Variants in ZKSCAN4 observed in about 807,000 individuals in gnomAD.
ZKSCAN4 encodes the protein zinc finger with KRAB and SCAN domains 4, also known as zinc finger protein with KRAB and SCAN domains 4.
In ZKSCAN4, 23 loss-of-function variants were observed where a neutral mutation model predicts 30.8. The observed-to-expected ratio is 0.75, with a 90% CI of 0.54 to 1.06. ZKSCAN4 has a LOEUF of 1.06. Among genes scored for constraint, ZKSCAN4 ranks in the 50% least tolerant of loss-of-function variants. The probability of loss-of-function intolerance (pLI) is 0.00; values close to 1 mark genes in which losing one functional copy is unlikely to be tolerated. For missense variants in ZKSCAN4, 556 were observed against 665.4 expected, an observed-to-expected ratio of 0.84 and a Z score of 1.81; for synonymous variants, 208 against 252.5, an observed-to-expected ratio of 0.82 and a Z score of 1.67.
At chr6:28,256,208 G>A (rs1193890598), upstream of ZKSCAN4, among the ~76,000 whole-genome samples, 1 of 152,126 alleles carries the variant, frequency 6.6e-6, no homozygotes, top group Non-Finnish European at 1.5e-5. Context: ...GGTCACTTGA[G>A]CCCAGGAGTT....
At chr6:28,248,839 A>AG (rs1416920913) in intron 2 of ZKSCAN4, among the ~76,000 whole-genome samples, 1 of 127,754 alleles carries the variant, frequency 7.8e-6, no homozygotes, top group Admixed American at 8.3e-5. Context: ...AAAAAAAAAA[A>AG]AAAAAGAAAA....
chr6:28,254,659 T>C (rs2113695387), upstream of ZKSCAN4, among the ~76,000 whole-genome samples: 1 of 152,384 alleles, frequency 6.6e-6, no homozygotes, highest in Admixed American at 6.5e-5. Context: ...GCATAGGCCC[T>C]GCCTAGCACT....
rs1307790197 is a variant in ZKSCAN4 at position 28,251,759 on chromosome 6, G to C, written c.222C>G (p.Leu74=). The C allele has an allele frequency of 6.2e-7, 1 of 1,614,250 alleles. No individual in the cohort carries two copies. Among genetic ancestry groups the C allele is most frequent in the Non-Finnish European group, 8.5e-7 (1 of 1,180,044 alleles). ...AAGPREALSR[L]RELCGQWLQP... ...GCAGCCATTGTCCGCAGAGTTCTCG[G>C]AGCCGGCTCAACGCCTCGCGGGGGC... The change falls in exon 1 of 5, where the codon CTC becomes CTG. Residue 74 remains leucine (L), a synonymous_variant. Coordinates refer to ENST00000377294, the MANE Select transcript of ZKSCAN4 (RefSeq NM_019110.5). The surrounding 1 kb of genome is among the most constrained non-coding windows in gnomAD (Gnocchi z 4.5).
At position 28,245,220 on chromosome 6, in the gene ZKSCAN4, C is replaced by T; in HGVS notation, c.1534G>A (p.Glu512Lys). The T allele has an allele frequency of 6.2e-7, 1 of 1,614,186 alleles. No individual in the cohort carries two copies. Reference sequence around the variant, plus strand: ...CATGTGTCACACTGATAGGGTTTCTCACCAGTGTGGATTTTCTGATGTTCA... The same window carrying T: ...CATGTGTCACACTGATAGGGTTTCTTACCAGTGTGGATTTTCTGATGTTCA... ...LIEHQKIHTG[E>K]KPYQCDTCGK... is the part of the protein sequence containing the mutation. Residue 512 changes from glutamate (E) to lysine (K), a missense_variant, in exon 5 of 5, where the codon GAG becomes AAG. Glu to Lys is a moderately conservative substitution (Grantham distance 56, BLOSUM62 1). Transcript: ENST00000377294.
At chr6:28,256,620 T>C (rs544262747), upstream of ZKSCAN4, among the ~76,000 whole-genome samples, 1 of 152,382 alleles carries the variant, frequency 6.6e-6, no homozygotes, top group African/African-American at 2.4e-5. Context: ...TTTCTTAAAG[T>C]TCTTCAAATA....
intron 4 of ZKSCAN4, 106 bp downstream of exon 4, chr6:28,246,863 C>G (rs2113677972): frequency 5.2e-6 from 7 of 1,356,160 alleles, no homozygotes; most frequent in South Asian, 1.6e-5. Context: ...AATGGTGATT[C>G]TGAATCCAAA....
chr6:28,258,311 TA>T, the ZKSCAN4 span, among the ~76,000 whole-genome samples: 1 of 152,186 alleles, frequency 6.6e-6, no homozygotes, highest in Non-Finnish European at 1.5e-5. Flanking sequence ...TGATCTTGCA[TA>T]AAACGTTTAT....
chr6:28,257,641 TA>T, the ZKSCAN4 span, among the ~76,000 whole-genome samples: 3 of 152,180 alleles, frequency 2.0e-5, no homozygotes, highest in African/African-American at 7.2e-5. Context: ...TATTTTGTCT[TA>T]AAAAAAGTAT....
At position 28,244,113 on chromosome 6, in the gene ZKSCAN4, G is replaced by T. The variant is rs1314422616; in HGVS notation, c.*1003C>A. The stretch of plus-strand genomic sequence containing the variant: ...TATTTGTTATGAATCTTCGGACCTG[G>T]AGAAAGTTTAAGCTTAGCTGGCATA... On this transcript the variant is annotated 3_prime_UTR_variant, in exon 5 of 5. Transcript: ENST00000377294. 6.6e-6 allele frequency among the ~76,000 whole-genome samples: 1 copy of T among 152,182 alleles called. No individual in the cohort carries two copies. Among genetic ancestry groups the T allele is most frequent in the African/African-American group, 2.4e-5 (1 of 41,446 alleles).
chr6:28,243,451 T>A lies in ZKSCAN4; in HGVS notation c.*1665A>T, dbSNP rs1473797981. Among the ~76,000 whole-genome samples the A allele has an allele frequency of 6.6e-6, 1 of 152,180 alleles. No homozygotes were observed. The highest frequency in any genetic ancestry group is 2.4e-5 in the African/African-American group (1 of 41,450). Reference sequence around the variant, plus strand: ...ACAGTCTGGCAATGCTGGAAGATGGTAATAGGCACTTGAGCACTTCGGAAG... The same window carrying A: ...ACAGTCTGGCAATGCTGGAAGATGGAAATAGGCACTTGAGCACTTCGGAAG... On this transcript the variant is annotated 3_prime_UTR_variant, in exon 5 of 5. Transcript: ENST00000377294.
intron 3 of ZKSCAN4, among the ~76,000 whole-genome samples, 178 bp downstream of exon 3, chr6:28,247,889 G>A (rs1760804829): frequency 6.6e-6 from 1 of 152,220 alleles, no homozygotes; most frequent in African/African-American, 2.4e-5. Flanking sequence ...AGTCCTCTTA[G>A]GTGGGCACCA....
rs928132986 is a variant in ZKSCAN4 at position 28,244,780 on chromosome 6, C to G, written c.*336G>C. 3.5e-4 allele frequency: 128 copies of G among 367,434 alleles called. No homozygotes were observed. Among genetic ancestry groups the G allele is most frequent in the Non-Finnish European group, 5.6e-4 (108 of 193,484 alleles). The allele number at this position is 367,434 out of a possible 1,614,324, so 22.8% of individuals were successfully genotyped here. A position where few individuals can be genotyped will look rare whatever the true frequency, so the allele number is the denominator to read the frequency against. Reference sequence around the variant, plus strand: ...ATGAATGGTCAGAGCAGCAGCCCCCCACATCAGAGCCATCCAACCAGATGT... The same window carrying G: ...ATGAATGGTCAGAGCAGCAGCCCCCGACATCAGAGCCATCCAACCAGATGT... On this transcript the variant is annotated 3_prime_UTR_variant, in exon 5 of 5. Coordinates refer to ENST00000377294, the MANE Select transcript of ZKSCAN4 (RefSeq NM_019110.5).
intron 2 of ZKSCAN4, among the ~76,000 whole-genome samples, chr6:28,248,861 A>G (rs917385839): frequency 3.3e-5 from 5 of 151,832 alleles, no homozygotes; most frequent in African/African-American, 9.7e-5. Flanking sequence ...AGAAAAAGAA[A>G]AACTAGGAGG....
Position 28,243,659 on chromosome 6 carries a change from C to A in ZKSCAN4, c.*1457G>T, listed in dbSNP as rs1472564254. 6.7e-6 allele frequency among the ~76,000 whole-genome samples: 1 copy of A among 148,892 alleles called. No individual in the cohort carries two copies. Among genetic ancestry groups the A allele is most frequent in the Non-Finnish European group, 1.5e-5 (1 of 67,152 alleles). ...ATGTGCTTCTGAACAGACACATTTT[C>A]TTTTCTTTTTTTTTTTTCTTTTTGA... On this transcript the variant is annotated 3_prime_UTR_variant, in exon 5 of 5. Coordinates refer to ENST00000377294, the MANE Select transcript of ZKSCAN4 (RefSeq NM_019110.5).
In ZKSCAN4 at chr6:28,243,649, GAC is replaced by G. The variant is rs1054496481; in HGVS notation, c.*1465_*1466del. On this transcript the variant is annotated 3_prime_UTR_variant, in exon 5 of 5. Coordinates refer to ENST00000377294, the MANE Select transcript of ZKSCAN4 (RefSeq NM_019110.5). ...AGGATTCCCAATGTGCTTCTGAACA[GAC>G]ACATTTTCTTTTCTTTTTTTTTTTT... 6.6e-6 allele frequency among the ~76,000 whole-genome samples: 1 copy of G among 151,668 alleles called. No individual in the cohort carries two copies. The highest frequency in any genetic ancestry group is 1.5e-5 in the Non-Finnish European group (1 of 67,936).
chr6:28,246,031 T>C, intron 4 of ZKSCAN4, 56 bp from the exon 5 acceptor site: 1 of 1,612,358 alleles, frequency 6.2e-7, no homozygotes. Context: ...GGAGGAAAGC[T>C]CTGTGATGAG....
At chr6:28,259,057 A>C in the ZKSCAN4 span, among the ~76,000 whole-genome samples, 5 of 152,330 alleles carry the variant, frequency 3.3e-5, no homozygotes, top group South Asian at 8.3e-4. Context: ...AGCGAAATCG[A>C]AAAAGAGAAG....
the ZKSCAN4 span, among the ~76,000 whole-genome samples, chr6:28,258,151 T>C: frequency 2.0e-5 from 3 of 152,208 alleles, no homozygotes; most frequent in African/African-American, 7.2e-5. Flanking sequence ...TTCAATTTAA[T>C]TTCCCCCATT....
At position 28,244,043 on chromosome 6, in the gene ZKSCAN4, C is replaced by T. The variant is rs1203613806; in HGVS notation, c.*1073G>A. 6.6e-6 allele frequency among the ~76,000 whole-genome samples: 1 copy of T among 152,066 alleles called. No individual in the cohort carries two copies. Among genetic ancestry groups the T allele is most frequent in the African/African-American group, 2.4e-5 (1 of 41,406 alleles). ...CTGCCTCTAACCTGATCTTCCTGTC[C>T]CCAACTGACAGGGCAGTTTTGAAAC... On this transcript the variant is annotated 3_prime_UTR_variant, in exon 5 of 5. Coordinates refer to ENST00000377294, the MANE Select transcript of ZKSCAN4 (RefSeq NM_019110.5).
Sources: allele counts gnomAD v4.1 joint callset (sites outside exome capture counted in the v4.1 genomes callset), GRCh38; gene constraint gnomAD v4.1.1; non-coding constraint Gnocchi (gnomAD v3.1); transcripts MANE v1.5; gene names NCBI Gene and HGNC (gene_info 2026-07-23, HGNC 2026-07-21).